TRDN: variants seen among roughly 807,000 people sequenced by gnomAD.
TRDN encodes triadin, also known as triadin in skeletal muscle.
In TRDN, 161 loss-of-function variants were observed where a neutral mutation model predicts 149.7. The ratio of observed to expected loss-of-function variants is 1.08; its 90% confidence interval spans 0.95 to 1.23. The LOEUF (loss-of-function observed/expected upper bound fraction) is 1.23, where lower values mean the gene tolerates loss of function less well. Ranked by LOEUF, TRDN falls within the 50% of genes most tolerant of loss-of-function variation. The pLI is 0.00. For synonymous variants in TRDN, 294 were observed against 250.5 expected (o/e 1.17, Z -1.64); for missense variants, 896 against 823.5 (o/e 1.09, Z -1.08).
chr6:123,263,838 T>C (rs1776851145), intron 33 of TRDN, among the ~76,000 whole-genome samples: 1 of 152,070 alleles, frequency 6.6e-6, no homozygotes, highest in Non-Finnish European at 1.5e-5. Flanking sequence ...TTAAGAATTA[T>C]GCCAAATCTA....
At chr6:123,328,159 A>G (rs1779529446) in intron 23 of TRDN, among the ~76,000 whole-genome samples, 1 of 152,208 alleles carries the variant, frequency 6.6e-6, no homozygotes, top group South Asian at 2.1e-4. Flanking sequence ...CTTGTTCTTC[A>G]TTCCTTCTCT....
chr6:123,626,902 T>C (rs34879835), intron 1 of TRDN, among the ~76,000 whole-genome samples: 92 of 151,346 alleles, frequency 6.1e-4, no homozygotes, highest in Non-Finnish European at 1.1e-3. Flanking sequence ...ATGTTTTTTT[T>C]AATTTTTTAT....
rs938663606 is a variant in TRDN, at chr6:123,503,529, T to C, written c.793+190A>G. 8 of 1,420,536 alleles carry C rather than the reference T, an allele frequency of 5.6e-6. No individual in the cohort carries two copies. The African/African-American group carries it at 1.2e-4, about 20-fold the overall frequency. 88.0% of individuals were successfully genotyped at this position (1,420,536 alleles called of 1,614,324 possible). ...ATGCCCCTTTAGATCTGTGAACACATTTTAGTATTTTTATAAATAAATATT... is the reference window on the plus strand; with the variant it reads ...ATGCCCCTTTAGATCTGTGAACACACTTTAGTATTTTTATAAATAAATATT... On this transcript the variant is annotated intron_variant, in intron 8 of 40. Coordinates refer to ENST00000334268, the MANE Select transcript of TRDN (RefSeq NM_006073.4).
At chr6:123,332,002 T>A in intron 22 of TRDN, 73 bp from the exon 23 acceptor site, 1 of 1,193,404 alleles carries the variant, frequency 8.4e-7, no homozygotes, top group Non-Finnish European at 1.2e-6. Flanking sequence ...ATGAAGTCAG[T>A]AAGCTGAAAG....
At chr6:123,248,565 T>TA (rs1349256735) in intron 38 of TRDN, among the ~76,000 whole-genome samples, 2 of 151,196 alleles carry the variant, frequency 1.3e-5, no homozygotes, top group Non-Finnish European at 3.0e-5. Flanking sequence ...TCAAAAAAAA[T>TA]AAAAATAAAA....
At chr6:123,518,226 T>G (rs952206297) in intron 5 of TRDN, among the ~76,000 whole-genome samples, 2 of 152,182 alleles carry the variant, frequency 1.3e-5, no homozygotes, top group African/African-American at 4.8e-5. Flanking sequence ...TTTTTCCACA[T>G]TTAATGGTTC....
intron 12 of TRDN, among the ~76,000 whole-genome samples, chr6:123,427,030 T>A (rs2114560033): frequency 6.6e-6 from 1 of 152,216 alleles, no homozygotes; most frequent in East Asian, 1.9e-4. Flanking sequence ...TTTGGGGTTT[T>A]TCTACTGAGA....
At chr6:123,569,795 T>C (rs1230489396) in intron 2 of TRDN, among the ~76,000 whole-genome samples, 1 of 152,104 alleles carries the variant, frequency 6.6e-6, no homozygotes, top group Non-Finnish European at 1.5e-5. Flanking sequence ...AAGGGGACAG[T>C]GCCAAACCAC....
chr6:123,446,641 G>A (rs1346207803), intron 10 of TRDN, among the ~76,000 whole-genome samples: 2 of 150,274 alleles, frequency 1.3e-5, no homozygotes, highest in African/African-American at 4.9e-5. Context: ...CCAGAGTAGA[G>A]GACTCAGGAG....
chr6:123,464,553 T>A (rs564912877), intron 10 of TRDN: 1 of 1,012,394 alleles, frequency 9.9e-7, no homozygotes, highest in South Asian at 4.4e-5. Context: ...ACCCAGCAAA[T>A]CTGGCACCAG....
chr6:123,252,518 C>G, intron 37 of TRDN, 83 bp from the exon 38 acceptor site: 1 of 710,858 alleles, frequency 1.4e-6, no homozygotes, highest in East Asian at 2.9e-5. Context: ...ATAAAAATAT[C>G]TAATTATTTT....
At chr6:123,626,360 A>G (rs112269867) in intron 1 of TRDN, among the ~76,000 whole-genome samples, 3,161 of 152,174 alleles carry the variant, frequency 0.021, 127 homozygotes, top group African/African-American at 0.071. Context: ...ATGCACACCT[A>G]TAATCCCACT....
chr6:123,232,902 G>A (rs1289730640), intron 38 of TRDN, among the ~76,000 whole-genome samples: 4 of 152,024 alleles, frequency 2.6e-5, no homozygotes, highest in South Asian at 2.1e-4. Flanking sequence ...AATAATGCAC[G>A]TATATGTACC....
At chr6:123,416,080 A>G (rs1271670104) in intron 12 of TRDN, among the ~76,000 whole-genome samples, 1 of 152,196 alleles carries the variant, frequency 6.6e-6, no homozygotes, top group Non-Finnish European at 1.5e-5. Context: ...AGAGAATTTC[A>G]TATGCAAAAT....
At chr6:123,316,663 T>C (rs1779036106) in intron 23 of TRDN, among the ~76,000 whole-genome samples, 168 bp from the exon 24 acceptor site, 1 of 151,868 alleles carries the variant, frequency 6.6e-6, no homozygotes, top group African/African-American at 2.4e-5. Flanking sequence ...ATGGAATATG[T>C]ATCTTTGGTA....
intron 1 of TRDN, among the ~76,000 whole-genome samples, chr6:123,608,650 C>T (rs1784636541): frequency 6.6e-6 from 1 of 151,974 alleles, no homozygotes; most frequent in African/African-American, 2.4e-5. Context: ...CTTATATCAT[C>T]AGAAAACATT....
chr6:123,529,190 T>C, intron 5 of TRDN: 1 of 1,547,496 alleles, frequency 6.5e-7, no homozygotes, highest in South Asian at 1.2e-5. Flanking sequence ...CCAAATGGTG[T>C]GGAACCAGTT....
At chr6:123,354,908 T>G (rs775636906) in intron 20 of TRDN, among the ~76,000 whole-genome samples, 6 of 151,678 alleles carry the variant, frequency 4.0e-5, no homozygotes, top group Non-Finnish European at 8.9e-5. Flanking sequence ...TAAAATAAAA[T>G]AAATAAAATA....
At position 123,331,869 on chromosome 6, in the gene TRDN, A is replaced by G. The variant is rs1408593994; in HGVS notation, c.1471+10T>C. On this transcript the variant is annotated intron_variant, in intron 23 of 40. Coordinates refer to ENST00000334268, the MANE Select transcript of TRDN (RefSeq NM_006073.4). ...TCAATGTGGCTTCACATTTCATTGT[A>G]TAATATTACCTTTTTCCTTTAGGGA... 1.4e-5 allele frequency: 22 copies of G among 1,524,338 alleles called. No individual in the cohort carries two copies. Among genetic ancestry groups the G allele is most frequent in the Admixed American group, 2.0e-5 (1 of 48,826 alleles). The allele number at this position is 1,524,338 out of a possible 1,614,324, so 94.4% of individuals were successfully genotyped here. A position where few individuals can be genotyped will look rare whatever the true frequency, so the allele number is the denominator to read the frequency against.
Sources: gnomAD v4.1 joint callset for allele counts (sites outside exome capture counted in the v4.1 genomes callset) on GRCh38, gnomAD v4.1.1 for gene constraint, MANE v1.5 for transcripts, NCBI Gene and HGNC (gene_info 2026-07-23, HGNC 2026-07-21) for gene names.